The following CRACD variants were observed in gnomAD, a reference collection of about 807,000 sequenced individuals.
The protein encoded by CRACD is capping protein inhibiting regulator of actin dynamics, also known as capping protein-inhibiting regulator of actin dynamics.
A neutral mutation model predicts 106.8 loss-of-function variants in CRACD; 56 were observed. That is an observed-to-expected ratio of 0.52 (90% CI 0.42 to 0.66). The LOEUF (loss-of-function observed/expected upper bound fraction) is 0.66. CRACD is among the 30% of genes least tolerant of loss of function. The pLI, the probability that CRACD is intolerant of heterozygous loss-of-function variation, is 0.00. For missense variants in CRACD, 1,730 were observed against 1,623.2 expected (o/e 1.07, Z -1.13); for synonymous variants, 754 against 670.8 (o/e 1.12, Z -1.92).
At chr4:56,220,012 G>A (rs1738942884) in intron 2 of CRACD, among the ~76,000 whole-genome samples, 1 of 152,138 alleles carries the variant, frequency 6.6e-6, no homozygotes, top group African/African-American at 2.4e-5. Flanking sequence ...AGAAATACAA[G>A]AAAGGAAATA....
chr4:56,188,711 CAGAGAGAG>C (rs142124735), intron 2 of CRACD, among the ~76,000 whole-genome samples: 1 of 113,110 alleles, frequency 8.8e-6, no homozygotes, highest in East Asian at 2.4e-4. Context: ...CACACACACA[CAGAGAGAG>C]AGAGAGAGAG....
intron 7 of CRACD, among the ~76,000 whole-genome samples, 165 bp downstream of exon 7, chr4:56,313,544 T>G (rs1745297764): frequency 6.6e-6 from 1 of 152,202 alleles, no homozygotes; most frequent in Admixed American, 6.5e-5. Context: ...CCTGTTTACT[T>G]TCCTCGCCCT....
intron 2 of CRACD, among the ~76,000 whole-genome samples, chr4:56,228,514 A>T (rs984373940): frequency 3.3e-5 from 5 of 151,814 alleles, no homozygotes; most frequent in African/African-American, 1.2e-4. Flanking sequence ...GTAATCCCAT[A>T]ATCGCAGCAC....
intron 2 of CRACD, among the ~76,000 whole-genome samples, chr4:56,230,038 A>G (rs893257885): frequency 6.6e-6 from 1 of 152,156 alleles, no homozygotes; most frequent in Non-Finnish European, 1.5e-5. Context: ...TCTGCTTATT[A>G]TTTCCTTGTG....
chr4:56,236,436 C>T (rs1472721600), intron 2 of CRACD, among the ~76,000 whole-genome samples: 1 of 152,150 alleles, frequency 6.6e-6, no homozygotes, highest in South Asian at 2.1e-4. Context: ...GCAGCCTGAG[C>T]AAACACAGTG....
chr4:56,316,334 G>C lies in CRACD; in HGVS notation c.2832G>C (p.Pro944=). 6.2e-7 allele frequency: 1 copy of C among 1,614,000 alleles called. No individual in the cohort carries two copies. The highest frequency in any genetic ancestry group is 8.5e-7 in the Non-Finnish European group (1 of 1,179,904). The change falls in exon 8 of 11, where the codon CCG becomes CCC. Residue 944 remains proline, a synonymous_variant. Transcript: ENST00000682029. ...CTCCACCGGCCAGCAGCCAGACCCCGGCTCCGGAGCACGACAAGGCAGCAA... is the reference window on the plus strand; with the variant it reads ...CTCCACCGGCCAGCAGCCAGACCCCCGCTCCGGAGCACGACAAGGCAGCAA... The part of the protein sequence containing the change: ...PGPPPASSQT[P]APEHDKAANK...
intron 1 of CRACD, among the ~76,000 whole-genome samples, chr4:56,104,419 A>G (rs1733878509): frequency 6.6e-6 from 1 of 152,122 alleles, no homozygotes; most frequent in East Asian, 1.9e-4. Flanking sequence ...AAAAAAACAA[A>G]CAAAACCAAA....
At chr4:56,105,301 C>A (rs1386120225) in intron 1 of CRACD, among the ~76,000 whole-genome samples, 1 of 152,156 alleles carries the variant, frequency 6.6e-6, no homozygotes, top group Non-Finnish European at 1.5e-5. Flanking sequence ...GAGTTTGGGA[C>A]CAGCCTCGGC....
intron 1 of CRACD, among the ~76,000 whole-genome samples, chr4:56,138,378 T>C (rs1437837297): frequency 1.3e-5 from 2 of 151,986 alleles, no homozygotes; most frequent in African/African-American, 4.8e-5. Context: ...GCACGAAAAC[T>C]GCTTGAACTT....
chr4:56,087,792 T>G (rs1186840535), intron 1 of CRACD, among the ~76,000 whole-genome samples: 1 of 152,182 alleles, frequency 6.6e-6, no homozygotes, highest in Non-Finnish European at 1.5e-5. Context: ...TTTTTTTACT[T>G]ACTTATTTCA....
chr4:56,160,129 G>T (rs1159472602), intron 1 of CRACD, among the ~76,000 whole-genome samples: 1 of 150,470 alleles, frequency 6.6e-6, no homozygotes, highest in East Asian at 2.0e-4. Flanking sequence ...ATGCATATTT[G>T]TCTAATGTAA....
At chr4:56,140,227 G>A (rs1286067004) in intron 1 of CRACD, among the ~76,000 whole-genome samples, 1 of 152,120 alleles carries the variant, frequency 6.6e-6, no homozygotes, top group Admixed American at 6.5e-5. Flanking sequence ...AGACCTGCCC[G>A]TCTCTCAGGC....
At chr4:56,297,420 A>T (rs1450408569) in intron 3 of CRACD, among the ~76,000 whole-genome samples, 1 of 152,092 alleles carries the variant, frequency 6.6e-6, no homozygotes, top group Admixed American at 6.6e-5. Context: ...GCAAGACCCC[A>T]GCCCTACAAA....
intron 4 of CRACD, among the ~76,000 whole-genome samples, chr4:56,300,127 A>C (rs1485736555): frequency 1.3e-5 from 2 of 151,872 alleles, no homozygotes; most frequent in South Asian, 2.1e-4. Flanking sequence ...ACAGAGAGAG[A>C]TTTCCTCTCA....
At chr4:56,236,626 A>G (rs1739983213) in intron 2 of CRACD, among the ~76,000 whole-genome samples, 1 of 152,140 alleles carries the variant, frequency 6.6e-6, no homozygotes, top group Admixed American at 6.5e-5. Flanking sequence ...TGGCTCAATG[A>G]CATGAGAAAA....
At chr4:56,126,149 T>C (rs933768096) in intron 1 of CRACD, among the ~76,000 whole-genome samples, 5 of 152,156 alleles carry the variant, frequency 3.3e-5, no homozygotes, top group Non-Finnish European at 7.4e-5. Flanking sequence ...ACTTTTAACA[T>C]GATTTCATTT....
intron 1 of CRACD, among the ~76,000 whole-genome samples, chr4:56,068,015 AGT>A (rs146667185): frequency 0.01 from 1,543 of 152,208 alleles, 25 homozygotes; most frequent in African/African-American, 0.035. Context: ...CTCACATTCC[AGT>A]GTGTGTGTGA....
chr4:56,309,652 G>A (rs371460964), intron 5 of CRACD, among the ~76,000 whole-genome samples: 1 of 152,112 alleles, frequency 6.6e-6, no homozygotes. Context: ...TCAGGAGTTC[G>A]AGATCAGCCT....
chr4:56,167,336 C>T (rs1736193339), intron 1 of CRACD, among the ~76,000 whole-genome samples: 1 of 152,144 alleles, frequency 6.6e-6, no homozygotes, highest in East Asian at 1.9e-4. Flanking sequence ...GTGTATCTAA[C>T]TTATTAAACT....
Sources: gnomAD v4.1 joint callset for allele counts (sites outside exome capture counted in the v4.1 genomes callset) on GRCh38, gnomAD v4.1.1 for gene constraint, MANE v1.5 for transcripts, NCBI Gene and HGNC (gene_info 2026-07-23, HGNC 2026-07-21) for gene names.